PI4KA: variants seen among roughly 807,000 people sequenced by gnomAD.
PI4KA encodes the protein PI4-kinase alpha.
A neutral mutation model predicts 271.4 loss-of-function variants in PI4KA; 122 were observed. The ratio of observed to expected loss-of-function variants is 0.45; its 90% confidence interval spans 0.39 to 0.52. The LOEUF (loss-of-function observed/expected upper bound fraction) is 0.52. Ranked by LOEUF, PI4KA falls within the 20% of genes least tolerant of loss-of-function variation. The pLI, the probability that PI4KA is intolerant of heterozygous loss-of-function variation, is 0.00. For missense variants in PI4KA, 1,969 were observed against 2,769.1 expected (o/e 0.71, Z 6.48); for synonymous variants, 1,041 against 1,078.8 (o/e 0.96, Z 0.69).
intron 3 of PI4KA, among the ~76,000 whole-genome samples, chr22:20,827,183 A>C (rs1923533016): frequency 6.6e-6 from 1 of 152,134 alleles, no homozygotes; most frequent in African/African-American, 2.4e-5. Flanking sequence ...TTTATAGTTT[A>C]AGGTTTTACA....
intron 29 of PI4KA, among the ~76,000 whole-genome samples, chr22:20,745,079 A>C (rs887329776): frequency 2.0e-5 from 3 of 152,164 alleles, no homozygotes; most frequent in African/African-American, 7.2e-5. Flanking sequence ...TATAAATGTC[A>C]CTTACAGACC....
chr22:20,797,283 C>A (rs948575202), intron 17 of PI4KA, among the ~76,000 whole-genome samples: 2 of 152,124 alleles, frequency 1.3e-5, no homozygotes, highest in African/African-American at 4.8e-5. Context: ...GCAAGCTGAG[C>A]CAGAACTGAA....
In PI4KA at chr22:20,718,711, T is replaced by G; in HGVS notation, c.5228A>C (p.Asn1743Thr). ...CACTTACTTGATGATAGCCGACACG[T>G]TGGTGATCTTGTTAAAGAAATCAAA... ...REFDFFNKIT[N>T]VSAIIKPYPK... The change falls in exon 44 of 55, where the codon AAC (asparagine) becomes ACC (threonine). Residue 1743 changes from asparagine to threonine, a missense_variant. Transcript: ENST00000255882. The G allele has an allele frequency of 6.2e-7, 1 of 1,613,624 alleles. No individual in the cohort carries two copies. Among genetic ancestry groups the G allele is most frequent in the Non-Finnish European group, 8.5e-7 (1 of 1,179,886 alleles).
intron 4 of PI4KA, 129 bp downstream of exon 4, chr22:20,824,197 A>G: frequency 2.8e-6 from 2 of 717,556 alleles, no homozygotes; most frequent in Non-Finnish European, 5.0e-6. Flanking sequence ...GTCTGCTGTC[A>G]ACAGGATGAA....
In PI4KA at chr22:20,732,981, A is replaced by C. The variant is rs1419045807; in HGVS notation, c.4278T>G (p.Leu1426=). The change falls in exon 36 of 55, where the codon CTT becomes CTG. Residue 1426 remains leucine, a synonymous_variant. Coordinates refer to ENST00000255882, the MANE Select transcript of PI4KA (RefSeq NM_058004.4). ...ACTGTTGAGGGTTACCTGGGGGAAC[A>C]AGCTGGCTGGCGGTCAGGTACTTCT... is the stretch of plus-strand genomic sequence containing the variant. ...SDKKYLTASQ[L]VPPDNQDTRS... The C allele has an allele frequency of 6.2e-7, 1 of 1,611,560 alleles. No individual in the cohort carries two copies. The highest frequency in any genetic ancestry group is 8.5e-7 in the Non-Finnish European group (1 of 1,179,454).
intron 22 of PI4KA, among the ~76,000 whole-genome samples, chr22:20,764,210 C>T (rs1444600770): frequency 6.6e-6 from 1 of 152,176 alleles, no homozygotes; most frequent in Admixed American, 6.5e-5. Context: ...ATAGCACTGC[C>T]TACCTCACAA....
At chr22:20,780,351 C>T in intron 19 of PI4KA, 3 of 1,200,012 alleles carry the variant, frequency 2.5e-6, no homozygotes, top group South Asian at 2.5e-5. Context: ...CAGGGAAGGC[C>T]AAGCTGAAGT....
Position 20,838,652 on chromosome 22 carries a change from A to G in PI4KA, c.236T>C (p.Ile79Thr). ...TTCAATCAGAAAAATGCCCAATGCA[A>G]TCACTGCATCTCTCCGTCTTTCATC... ...QLDERRRDAVIALGIFLIESD... is the reference protein window; with the variant it reads ...QLDERRRDAVTALGIFLIESD... The change falls in exon 2 of 55, where the codon ATT becomes ACT. Residue 79 changes from isoleucine to threonine, a missense_variant. By Grantham distance (89) the Ile-to-Thr change is moderately conservative. Transcript: ENST00000255882. The G allele has an allele frequency of 6.2e-7, 1 of 1,611,644 alleles. No homozygotes were observed. The highest frequency in any genetic ancestry group is 1.1e-5 in the South Asian group (1 of 91,020).
Position 20,858,731 on chromosome 22 carries a change from C to T in PI4KA, c.-6G>A, listed in dbSNP as rs1177318737. 2 of 1,395,812 alleles carry T rather than the reference C, an allele frequency of 1.4e-6. No individual in the cohort carries two copies. Among genetic ancestry groups the T allele is most frequent in the Admixed American group, 2.9e-5 (1 of 33,908 alleles). 86.5% of individuals were successfully genotyped at this position (1,395,812 alleles called of 1,614,324 possible). A position where few individuals can be genotyped will look rare whatever the true frequency, so the allele number is the denominator to read the frequency against. On this transcript the variant is annotated 5_prime_UTR_variant, in exon 1 of 55. Coordinates refer to ENST00000255882, the MANE Select transcript of PI4KA (RefSeq NM_058004.4). ...CGGGCCGGGGCCGCCGCCATCACCT[C>T]ACGAGCCGCGGCGCTGCCCGCCGGC...
intron 14 of PI4KA, 146 bp downstream of exon 14, chr22:20,801,827 A>C: frequency 2.5e-6 from 2 of 800,710 alleles, no homozygotes; most frequent in South Asian, 3.7e-5. Context: ...CAGAGGTAGC[A>C]GTGAGCCGAG....
At chr22:20,779,612 A>C (rs1046617828) in intron 19 of PI4KA, 7 of 1,614,104 alleles carry the variant, frequency 4.3e-6, no homozygotes, top group Admixed American at 1.7e-5. Context: ...ACAGTCTGTC[A>C]GTTTCCCCGA....
At chr22:20,761,203 A>C (rs1931932235) in intron 23 of PI4KA, 101 bp downstream of exon 23, 6 of 735,548 alleles carry the variant, frequency 8.2e-6, no homozygotes, top group Non-Finnish European at 1.5e-5. Flanking sequence ...ATTTAACTTC[A>C]TAAAACATTT....
At chr22:20,828,112 T>G (rs1923680454) in intron 3 of PI4KA, among the ~76,000 whole-genome samples, 1 of 152,034 alleles carries the variant, frequency 6.6e-6, no homozygotes, top group Non-Finnish European at 1.5e-5. Context: ...ATTATTTTTG[T>G]GAATATTGTG....
chr22:20,799,538 C>T lies in PI4KA; in HGVS notation c.1820+133G>A. ...GTGGGCTTCACCTTAAATCTTGTGA[C>T]AACCCTGATACATGCCTATGCTCTG... On this transcript the variant is annotated intron_variant, in intron 15 of 54. Transcript: ENST00000255882. 9 of 749,904 alleles carry T rather than the reference C, an allele frequency of 1.2e-5. No individual in the cohort carries two copies. The South Asian group carries it at 1.5e-4, about 13-fold the overall frequency. 46.5% of individuals were successfully genotyped at this position (749,904 alleles called of 1,614,324 possible).
At chr22:20,722,191 G>A (rs1315374012) in intron 42 of PI4KA, among the ~76,000 whole-genome samples, 1 of 151,932 alleles carries the variant, frequency 6.6e-6, no homozygotes, top group African/African-American at 2.4e-5. Context: ...TTTTTTGTTT[G>A]TTTGTTTGTT....
At chr22:20,734,620 CTAAT>C (rs1928483083) in intron 32 of PI4KA, 67 bp from the exon 33 acceptor site, 1 of 1,461,438 alleles carries the variant, frequency 6.8e-7, no homozygotes, top group Admixed American at 2.2e-5. Flanking sequence ...CAAGTTTTCT[CTAAT>C]TAAAAAAAGG....
intron 22 of PI4KA, among the ~76,000 whole-genome samples, chr22:20,763,017 TG>T (rs1227387739): frequency 0.022 from 1,154 of 52,226 alleles, 50 homozygotes; most frequent in East Asian, 0.11. Context: ...CTTTTTTTTT[TG>T]GGGGGGGGGG....
At chr22:20,742,895 G>A (rs1302721998) in intron 30 of PI4KA, 131 bp from the exon 31 acceptor site, 5 of 722,956 alleles carry the variant, frequency 6.9e-6, no homozygotes, top group African/African-American at 1.7e-5. Flanking sequence ...GCTCATGCAT[G>A]CAGAGAGACA....
At chr22:20,857,609 G>A (rs945176971) in intron 1 of PI4KA, among the ~76,000 whole-genome samples, 35 of 152,310 alleles carry the variant, frequency 2.3e-4, no homozygotes, top group Non-Finnish European at 4.3e-4. Context: ...TCGCACACGG[G>A]TGGGCAAAGA....
Sources: gnomAD v4.1 joint callset for allele counts (sites outside exome capture counted in the v4.1 genomes callset) on GRCh38, gnomAD v4.1.1 for gene constraint, MANE v1.5 for transcripts, NCBI Gene and HGNC (gene_info 2026-07-23, HGNC 2026-07-21) for gene names.